The following METTL15 variants were observed in gnomAD, a reference collection of about 807,000 sequenced individuals.
METTL15 encodes methyltransferase 15, mitochondrial 12S rRNA N4-cytidine.
Under a neutral mutation model 38.3 loss-of-function variants are expected in METTL15, and 34 were observed. The ratio of observed to expected loss-of-function variants is 0.89; its 90% CI spans 0.68 to 1.18. METTL15 has a LOEUF of 1.18. METTL15 is among the 50% of genes most tolerant of loss of function. The pLI is 0.00. For missense variants in METTL15, 438 were observed against 498.4 expected (o/e 0.88, Z 1.15); for synonymous variants, 162 against 170.9 (o/e 0.95, Z 0.41).
At chr11:28,439,396 T>C (rs1382726282) in intron 6 of METTL15, among the ~76,000 whole-genome samples, 1 of 152,108 alleles carries the variant, frequency 6.6e-6, no homozygotes, top group Non-Finnish European at 1.5e-5. Flanking sequence ...ACAGCAGAAA[T>C]GAAAGGGTTA....
At chr11:28,377,544 C>T (rs2133381412) in intron 5 of METTL15, among the ~76,000 whole-genome samples, 1 of 151,736 alleles carries the variant, frequency 6.6e-6, no homozygotes, top group Non-Finnish European at 1.5e-5. Context: ...ATTGGTTATT[C>T]TAGTTATACA....
intron 4 of METTL15, among the ~76,000 whole-genome samples, chr11:28,276,205 C>T (rs1003144771): frequency 2.0e-5 from 3 of 152,086 alleles, no homozygotes; most frequent in Non-Finnish European, 4.4e-5. Flanking sequence ...GCTAAAGACT[C>T]TGCCAGAAAC....
intron 4 of METTL15, among the ~76,000 whole-genome samples, chr11:28,216,071 G>C (rs777687055): frequency 4.0e-5 from 6 of 150,038 alleles, no homozygotes; most frequent in Non-Finnish European, 7.4e-5. Flanking sequence ...CAAATGAAAA[G>C]AGTTAATGCT....
chr11:28,373,898 C>T (rs1049370956), intron 5 of METTL15, among the ~76,000 whole-genome samples: 8 of 152,126 alleles, frequency 5.3e-5, no homozygotes, highest in Non-Finnish European at 1.2e-4. Context: ...AGCCAGTTTT[C>T]CCAGCACCAC....
At chr11:28,130,690 C>T (rs149710804) in intron 3 of METTL15, among the ~76,000 whole-genome samples, 101 of 152,246 alleles carry the variant, frequency 6.6e-4, no homozygotes, top group African/African-American at 2.3e-3. Flanking sequence ...GCAGATGTTG[C>T]ATTCATGGTT....
chr11:28,275,928 G>A (rs1179772522), intron 4 of METTL15, among the ~76,000 whole-genome samples: 5 of 151,884 alleles, frequency 3.3e-5, no homozygotes, highest in Non-Finnish European at 7.4e-5. Flanking sequence ...AAAAATCTAG[G>A]CATAGAAGGA....
downstream of METTL15, among the ~76,000 whole-genome samples, chr11:28,338,440 T>A (rs572922695): frequency 4.6e-5 from 7 of 152,236 alleles, no homozygotes; most frequent in South Asian, 1.5e-3. Flanking sequence ...TTGATCATGT[T>A]TATCCTTCCA....
At chr11:28,339,616 A>G (rs1409023651) in intron 3 of METTL15, among the ~76,000 whole-genome samples, 4 of 152,016 alleles carry the variant, frequency 2.6e-5, no homozygotes, top group Non-Finnish European at 5.9e-5. Context: ...AAAAAGAGAG[A>G]TGACCAAAAT....
chr11:28,202,177 A>G (rs567531711), intron 3 of METTL15, among the ~76,000 whole-genome samples: 3 of 152,148 alleles, frequency 2.0e-5, no homozygotes, highest in South Asian at 4.1e-4. Flanking sequence ...GCCTATTTCA[A>G]TAGTAAAGCA....
intron 5 of METTL15, among the ~76,000 whole-genome samples, chr11:28,423,264 A>G (rs1176346145): frequency 6.6e-6 from 1 of 152,100 alleles, no homozygotes; most frequent in African/African-American, 2.4e-5. Flanking sequence ...AATTAGTACA[A>G]CCACTATGGA....
At chr11:28,423,229 C>A (rs1306076752) in intron 5 of METTL15, among the ~76,000 whole-genome samples, 1 of 151,838 alleles carries the variant, frequency 6.6e-6, no homozygotes, top group East Asian at 1.9e-4. Flanking sequence ...AAAAGAGAAC[C>A]CTTATACACT....
chr11:28,371,151 A>G (rs1404571546), intron 5 of METTL15, among the ~76,000 whole-genome samples: 5 of 151,876 alleles, frequency 3.3e-5, no homozygotes, highest in Admixed American at 2.6e-4. Context: ...TGTTTCCCCA[A>G]TGTTTTCTTC....
rs1336974500 is a variant in METTL15, at chr11:28,330,602, G to A, written c.985G>A (p.Val329Ile). The A allele has an allele frequency of 6.4e-6, 10 of 1,551,306 alleles. No individual in the cohort carries two copies. Among genetic ancestry groups the A allele is most frequent in the African/African-American group, 2.7e-5 (2 of 73,002 alleles). The change falls in exon 7 of 7, where the codon GTC becomes ATC. Residue 329 changes from valine to isoleucine, a missense_variant. Coordinates refer to ENST00000407364, the MANE Select transcript of METTL15 (RefSeq NM_001113528.2). Reference sequence around the variant, plus strand: ...CTTCCATTCACTAGAGGATCGCATCGTCAAAAGATTTTTGCTTGGAATAAG... The same window carrying A: ...CTTCCATTCACTAGAGGATCGCATCATCAAAAGATTTTTGCTTGGAATAAG... Reference protein sequence around the residue: ...LSFHSLEDRIVKRFLLGISMT... With the variant: ...LSFHSLEDRIIKRFLLGISMT...
At chr11:28,378,249 C>G (rs2133382160) in intron 5 of METTL15, among the ~76,000 whole-genome samples, 1 of 152,348 alleles carries the variant, frequency 6.6e-6, no homozygotes, top group African/African-American at 2.4e-5. Context: ...GCGCCCCTCC[C>G]CCAGCCTCAC....
At chr11:28,486,691 C>G (rs1851442241) in intron 6 of METTL15, among the ~76,000 whole-genome samples, 1 of 152,192 alleles carries the variant, frequency 6.6e-6, no homozygotes, top group South Asian at 2.1e-4. Context: ...GCCTGTCTGA[C>G]AGAAAGGACT....
At chr11:28,386,382 T>C (rs978851659) in intron 5 of METTL15, among the ~76,000 whole-genome samples, 1 of 151,682 alleles carries the variant, frequency 6.6e-6, no homozygotes, top group African/African-American at 2.4e-5. Context: ...GGATGAAAAA[T>C]GATATTCCAT....
intron 3 of METTL15, among the ~76,000 whole-genome samples, chr11:28,181,476 C>G (rs1851286332): frequency 6.6e-6 from 1 of 151,788 alleles, no homozygotes; most frequent in South Asian, 2.1e-4. Flanking sequence ...TCTCATTGTT[C>G]AACTCCCACT....
intron 3 of METTL15, among the ~76,000 whole-genome samples, chr11:28,205,566 T>TA (rs1035014799): frequency 2.0e-5 from 3 of 152,152 alleles, no homozygotes; most frequent in African/African-American, 7.2e-5. Context: ...TCAATAAACA[T>TA]ACGTGTGCAT....
intron 5 of METTL15, among the ~76,000 whole-genome samples, chr11:28,384,525 G>A (rs1401549878): frequency 6.6e-6 from 1 of 152,052 alleles, no homozygotes; most frequent in Admixed American, 6.6e-5. Flanking sequence ...GGCCAGGCTA[G>A]TCTCAAACTC....
Sources: allele counts gnomAD v4.1 joint callset (sites outside exome capture counted in the v4.1 genomes callset), GRCh38; gene constraint gnomAD v4.1.1; transcripts MANE v1.5; gene names NCBI Gene and HGNC (gene_info 2026-07-23, HGNC 2026-07-21).